The following ALK variants were observed in gnomAD, a reference collection of about 807,000 sequenced individuals.
ALK encodes ALK receptor tyrosine kinase.
In ALK, 74 loss-of-function variants were observed where a neutral mutation model predicts 163.1. That is an observed-to-expected ratio of 0.45 (90% CI 0.38 to 0.55). The LOEUF is 0.55. ALK is among the 20% of genes least tolerant of loss of function. The pLI is 0.00. For synonymous variants in ALK, 960 were observed against 843.2 expected (o/e 1.14, Z -2.40); for missense variants, 2,063 against 2,105.3 (o/e 0.98, Z 0.39).
In ALK at chr2:29,550,624, G is replaced by A. The variant is rs551243578; in HGVS notation, c.953-18508C>T. 3.9e-5 allele frequency among the ~76,000 whole-genome samples: 6 copies of A among 152,254 alleles called. No homozygotes were observed. The East Asian group carries it at 1.2e-3, about 29-fold the overall frequency. ...TGAAATTTGGGCTTTGTTATCATGG[G>A]TGCTTATTTAAAGTTCTACTTGCAA... is the stretch of plus-strand genomic sequence containing the variant. On this transcript the variant is annotated intron_variant, in intron 3 of 28. Coordinates refer to ENST00000389048, the MANE Select transcript of ALK (RefSeq NM_004304.5).
At chr2:29,819,695 T>A (rs1664993372) in intron 1 of ALK, among the ~76,000 whole-genome samples, 1 of 152,256 alleles carries the variant, frequency 6.6e-6, no homozygotes, top group Non-Finnish European at 1.5e-5. Context: ...AACTCAGAGC[T>A]GTTGCATGTG....
intron 3 of ALK, among the ~76,000 whole-genome samples, chr2:29,549,517 T>C (rs760401413): frequency 6.6e-6 from 1 of 152,226 alleles, no homozygotes; most frequent in Non-Finnish European, 1.5e-5. Flanking sequence ...TTTTGAGTAT[T>C]TGAAATGTGG....
At chr2:29,494,843 C>CGTGTGTGTGTGTGTGTGTGTGTGT (rs35306598) in intron 4 of ALK, among the ~76,000 whole-genome samples, 1 of 147,212 alleles carries the variant, frequency 6.8e-6, no homozygotes, top group African/African-American at 2.5e-5. Context: ...TTTAGAGACT[C>CGTGTGTGTGTGTGTGTGTGTGTGT]GTGTGTGTGT....
intron 3 of ALK, among the ~76,000 whole-genome samples, chr2:29,574,747 C>T (rs554520838): frequency 1.3e-5 from 2 of 152,278 alleles, no homozygotes; most frequent in South Asian, 2.1e-4. Context: ...GAGGGGAGGC[C>T]GTGCTGAACT....
At chr2:29,345,306 G>A (rs560220694) in intron 5 of ALK, among the ~76,000 whole-genome samples, 1 of 151,946 alleles carries the variant, frequency 6.6e-6, no homozygotes, top group Non-Finnish European at 1.5e-5. Context: ...TGAGGTGGGA[G>A]GATCACCTGA....
At chr2:29,218,155 G>A (rs1669690770) in intron 23 of ALK, among the ~76,000 whole-genome samples, 1 of 152,204 alleles carries the variant, frequency 6.6e-6, no homozygotes, top group South Asian at 2.1e-4. Context: ...ATCCCAGGAA[G>A]GACAGCTCAC....
chr2:29,258,753 G>A (rs1459716947), intron 11 of ALK, among the ~76,000 whole-genome samples: 4 of 152,190 alleles, frequency 2.6e-5, no homozygotes, highest in Admixed American at 6.5e-5. Context: ...GACTTTTAAA[G>A]CTTCTTTGCT....
At chr2:29,572,188 C>T (rs1485904850) in intron 3 of ALK, among the ~76,000 whole-genome samples, 1 of 152,174 alleles carries the variant, frequency 6.6e-6, no homozygotes, top group Non-Finnish European at 1.5e-5. Context: ...CTGCTGATGT[C>T]ACTTAAAGCC....
At chr2:29,302,034 T>C (rs1025617127) in intron 8 of ALK, among the ~76,000 whole-genome samples, 9 of 152,222 alleles carry the variant, frequency 5.9e-5, no homozygotes, top group East Asian at 1.9e-4. Context: ...GCCAGGAAGA[T>C]AGAATTTAAA....
At chr2:29,666,372 A>G (rs1238602421) in intron 3 of ALK, among the ~76,000 whole-genome samples, 1 of 152,094 alleles carries the variant, frequency 6.6e-6, no homozygotes, top group East Asian at 1.9e-4. Context: ...ACTATCAAAA[A>G]AATGGTATTT....
intron 4 of ALK, among the ~76,000 whole-genome samples, chr2:29,464,183 A>C (rs1332261197): frequency 1.3e-5 from 2 of 152,210 alleles, no homozygotes. Flanking sequence ...GGCATTCAAA[A>C]AAGAAGAAAA....
At chr2:29,611,935 A>T (rs1675704118) in intron 3 of ALK, among the ~76,000 whole-genome samples, 2 of 152,210 alleles carry the variant, frequency 1.3e-5, no homozygotes, top group Admixed American at 1.3e-4. Flanking sequence ...CTTTATATAC[A>T]GCAGTGTGAA....
At chr2:29,263,939 A>G (rs1371017501) in intron 11 of ALK, among the ~76,000 whole-genome samples, 1 of 152,204 alleles carries the variant, frequency 6.6e-6, no homozygotes. Context: ...TTCAACCTCA[A>G]TGGAGCCTCC....
At chr2:29,735,955 T>C (rs938597921) in intron 1 of ALK, among the ~76,000 whole-genome samples, 13 of 152,060 alleles carry the variant, frequency 8.5e-5, no homozygotes, top group African/African-American at 2.9e-4. Context: ...AAAAACCTTG[T>C]AAGTTAGAGA....
chr2:29,844,174 C>A (rs1207945287), intron 1 of ALK, among the ~76,000 whole-genome samples: 1 of 151,932 alleles, frequency 6.6e-6, no homozygotes, highest in Non-Finnish European at 1.5e-5. Flanking sequence ...GTTGTCTGGA[C>A]AACAAAGGAA....
At chr2:29,864,147 T>C (rs1231189851) in intron 1 of ALK, among the ~76,000 whole-genome samples, 1 of 152,208 alleles carries the variant, frequency 6.6e-6, no homozygotes, top group Non-Finnish European at 1.5e-5. Flanking sequence ...TGGGCAGAGC[T>C]GGGATTCAAT....
intron 13 of ALK, 106 bp from the exon 14 acceptor site, chr2:29,233,802 A>G (rs925257318): frequency 6.6e-7 from 1 of 1,504,396 alleles, no homozygotes; most frequent in Non-Finnish European, 9.2e-7. Context: ...CTCTCTCAAA[A>G]AACTTACAGT....
At chr2:29,900,478 T>C (rs555826683) in intron 1 of ALK, among the ~76,000 whole-genome samples, 2 of 152,364 alleles carry the variant, frequency 1.3e-5, no homozygotes, top group East Asian at 3.9e-4. Context: ...TTAGCCCCTA[T>C]TTCCTAAATA....
chr2:29,824,353 C>G (rs1425061409), intron 1 of ALK, among the ~76,000 whole-genome samples: 1 of 152,220 alleles, frequency 6.6e-6, no homozygotes, highest in Non-Finnish European at 1.5e-5. Flanking sequence ...GGGGCACCAC[C>G]TAGTGGAGCT....
Sources: allele counts gnomAD v4.1 joint callset (sites outside exome capture counted in the v4.1 genomes callset), GRCh38; gene constraint gnomAD v4.1.1; transcripts MANE v1.5; gene names NCBI Gene and HGNC (gene_info 2026-07-23, HGNC 2026-07-21).